Variants in KCTD8 observed in about 807,000 individuals in gnomAD.
The protein encoded by KCTD8 is BTB/POZ domain-containing protein KCTD8.
In KCTD8, 27 loss-of-function variants were observed where a neutral mutation model predicts 31.5. The observed-to-expected ratio is 0.86, with a 90% CI of 0.63 to 1.18. KCTD8 has a LOEUF of 1.18. Ranked by LOEUF, KCTD8 falls within the 50% of genes most tolerant of loss-of-function variation. The pLI, the probability that KCTD8 is intolerant of heterozygous loss-of-function variation, is 0.00. For synonymous variants in KCTD8, 290 were observed against 280.0 expected (o/e 1.04, Z -0.36); for missense variants, 658 against 647.7 (o/e 1.02, Z -0.17).
At chr4:44,400,493 C>T (rs899383059) in intron 1 of KCTD8, among the ~76,000 whole-genome samples, 1 of 151,866 alleles carries the variant, frequency 6.6e-6, no homozygotes, top group Admixed American at 6.6e-5. Context: ...CTTTGGGAGG[C>T]CGTGGTGGGT....
intron 1 of KCTD8, among the ~76,000 whole-genome samples, chr4:44,277,847 A>T (rs1370761567): frequency 6.6e-6 from 1 of 151,930 alleles, no homozygotes; most frequent in East Asian, 1.9e-4. Flanking sequence ...TTGGACCAAG[A>T]TATTCCTGAT....
intron 1 of KCTD8, among the ~76,000 whole-genome samples, chr4:44,396,639 G>GA (rs575452723): frequency 1.8e-4 from 28 of 151,772 alleles, no homozygotes; most frequent in Non-Finnish European, 3.1e-4. Flanking sequence ...TAACATCTAA[G>GA]AAAAAAATCA....
At chr4:44,303,670 G>T (rs926686328) in intron 1 of KCTD8, among the ~76,000 whole-genome samples, 5 of 152,040 alleles carry the variant, frequency 3.3e-5, no homozygotes, top group Non-Finnish European at 4.4e-5. Context: ...ACAAAAATTA[G>T]CTGGGTGTGG....
chr4:44,373,259 G>A (rs1719837126), intron 1 of KCTD8, among the ~76,000 whole-genome samples: 1 of 152,066 alleles, frequency 6.6e-6, no homozygotes, highest in Admixed American at 6.6e-5. Context: ...TACTCAGGAG[G>A]CTGAGGCAGG....
Position 44,353,504 on chromosome 4 carries a change from T to C in KCTD8, c.961+94059A>G, listed in dbSNP as rs117317226. On this transcript the variant is annotated intron_variant, in intron 1 of 1. Transcript: ENST00000360029. ...AATTCTACTCTATTATCTTTAAATA[T>C]ACACTAAAATATCATTAACTACAGT... 5.0e-3 allele frequency among the ~76,000 whole-genome samples: 756 copies of C among 152,152 alleles called. 10 individuals carry two copies. The highest frequency in any genetic ancestry group is 0.014 in the East Asian group (71 of 5,172).
At chr4:44,232,448 T>A (rs923247155) in intron 1 of KCTD8, among the ~76,000 whole-genome samples, 12 of 152,138 alleles carry the variant, frequency 7.9e-5, no homozygotes, top group Admixed American at 7.9e-4. Context: ...GGACCCAGTG[T>A]ACTTACCCTA....
At chr4:44,198,786 G>A (rs1262400974) in intron 1 of KCTD8, among the ~76,000 whole-genome samples, 1 of 152,074 alleles carries the variant, frequency 6.6e-6, no homozygotes, top group East Asian at 1.9e-4. Flanking sequence ...GATGATGACA[G>A]GATCAAAATA....
At chr4:44,357,757 T>G (rs1043973377) in intron 1 of KCTD8, among the ~76,000 whole-genome samples, 3 of 151,894 alleles carry the variant, frequency 2.0e-5, no homozygotes, top group Non-Finnish European at 4.4e-5. Flanking sequence ...AAGTAGAGAT[T>G]TTTTTTCATA....
intron 1 of KCTD8, among the ~76,000 whole-genome samples, chr4:44,349,071 GCCACCACCACCACCA>G (rs200999276): frequency 7.3e-6 from 1 of 136,702 alleles, no homozygotes; most frequent in Non-Finnish European, 1.6e-5. Flanking sequence ...CGCTGCCACC[GCCACCACCACCACCA>G]CCACCACCAC....
chr4:44,297,630 T>C (rs1456470095), intron 1 of KCTD8, among the ~76,000 whole-genome samples: 1 of 152,138 alleles, frequency 6.6e-6, no homozygotes, highest in African/African-American at 2.4e-5. Flanking sequence ...CTGTGAATAT[T>C]AATAATGTAT....
At chr4:44,183,197 C>T (rs535060395) in intron 1 of KCTD8, among the ~76,000 whole-genome samples, 7 of 152,116 alleles carry the variant, frequency 4.6e-5, no homozygotes, top group Non-Finnish European at 8.8e-5. Flanking sequence ...AATATCTAGT[C>T]GCATGGCTAT....
Position 44,223,039 on chromosome 4 carries a change from G to T in KCTD8, c.962-47789C>A, listed in dbSNP as rs1714852202. 2.6e-5 allele frequency among the ~76,000 whole-genome samples: 4 copies of T among 152,182 alleles called. No individual in the cohort carries two copies. The South Asian group carries it at 8.3e-4, about 32-fold the overall frequency. On this transcript the variant is annotated intron_variant, in intron 1 of 1. Coordinates refer to ENST00000360029, the MANE Select transcript of KCTD8 (RefSeq NM_198353.3). Reference sequence around the variant, plus strand: ...AAAGTAACTGGCTTCATTATGTAGAGAATGCAAGAAGGGCAATATTGGAAG... The same window carrying T: ...AAAGTAACTGGCTTCATTATGTAGATAATGCAAGAAGGGCAATATTGGAAG...
At chr4:44,397,530 G>A (rs1156638574) in intron 1 of KCTD8, among the ~76,000 whole-genome samples, 2 of 152,012 alleles carry the variant, frequency 1.3e-5, no homozygotes, top group Admixed American at 6.6e-5. Context: ...TAATTAGATT[G>A]GTAAATAGGA....
chr4:44,356,039 C>T (rs1719333597), intron 1 of KCTD8, among the ~76,000 whole-genome samples: 1 of 152,094 alleles, frequency 6.6e-6, no homozygotes. Flanking sequence ...CATATTCAAC[C>T]CTAAATATAC....
chr4:44,384,084 GA>G (rs1429005763), intron 1 of KCTD8, among the ~76,000 whole-genome samples: 1 of 151,494 alleles, frequency 6.6e-6, no homozygotes. Context: ...AATCATCAGG[GA>G]AATGCAAATC....
chr4:44,245,058 T>C (rs1056971133), intron 1 of KCTD8, among the ~76,000 whole-genome samples: 1 of 152,144 alleles, frequency 6.6e-6, no homozygotes, highest in African/African-American at 2.4e-5. Flanking sequence ...AAAGTAAACA[T>C]ACTCAACCAT....
intron 1 of KCTD8, among the ~76,000 whole-genome samples, chr4:44,180,975 T>A (rs1713365657): frequency 1.3e-5 from 2 of 152,180 alleles, no homozygotes; most frequent in African/African-American, 4.8e-5. Flanking sequence ...GGGTCAAGGA[T>A]AATTTTCTGC....
At chr4:44,320,428 TC>T (rs563610196) in intron 1 of KCTD8, among the ~76,000 whole-genome samples, 104 of 152,290 alleles carry the variant, frequency 6.8e-4, no homozygotes, top group Non-Finnish European at 1.2e-3. Flanking sequence ...AATTAAAATC[TC>T]ATTTTAGATT....
intron 1 of KCTD8, among the ~76,000 whole-genome samples, chr4:44,222,883 T>C (rs1213418655): frequency 6.6e-6 from 1 of 152,178 alleles, no homozygotes; most frequent in Non-Finnish European, 1.5e-5. Flanking sequence ...TAGTATTGGA[T>C]AAGGTAAACA....
Sources: allele counts gnomAD v4.1 joint callset (sites outside exome capture counted in the v4.1 genomes callset), GRCh38; gene constraint gnomAD v4.1.1; transcripts MANE v1.5; gene names NCBI Gene and HGNC (gene_info 2026-07-23, HGNC 2026-07-21).